SGIP1: variants seen among roughly 807,000 people sequenced by gnomAD.
SGIP1 encodes the protein SH3GL interacting endocytic adaptor 1.
In SGIP1, 38 loss-of-function variants were observed where a neutral mutation model predicts 107.5. The ratio of observed to expected loss-of-function variants is 0.35; its 90% CI spans 0.27 to 0.46. SGIP1 has a LOEUF of 0.46. Among genes scored for constraint, SGIP1 ranks in the 20% least tolerant of loss-of-function variants. The pLI, the probability that SGIP1 is intolerant of heterozygous loss-of-function variation, is 1.00. For synonymous variants in SGIP1, 365 were observed against 366.1 expected (o/e 1.00, Z 0.03); for missense variants, 929 against 1,019.5 (o/e 0.91, Z 1.21).
At chr1:66,562,840 A>G (rs1280610947) in intron 1 of SGIP1, among the ~76,000 whole-genome samples, 1 of 152,086 alleles carries the variant, frequency 6.6e-6, no homozygotes, top group African/African-American at 2.4e-5. Flanking sequence ...AAGGTGATGC[A>G]CAGAGGGGCC....
intron 1 of SGIP1, among the ~76,000 whole-genome samples, chr1:66,573,605 G>C (rs2060678559): frequency 6.6e-6 from 1 of 152,142 alleles, no homozygotes; most frequent in Non-Finnish European, 1.5e-5. Flanking sequence ...CATGTCCTTT[G>C]CAGGAACCTG....
intron 4 of SGIP1, 77 bp downstream of exon 4, chr1:66,636,092 G>A (rs927643051): frequency 1.4e-6 from 2 of 1,386,870 alleles, no homozygotes; most frequent in African/African-American, 2.9e-5. Flanking sequence ...TTAAAATTTG[G>A]AAAACACAGT....
At chr1:66,653,987 C>A (rs1220265550) in intron 7 of SGIP1, among the ~76,000 whole-genome samples, 1 of 152,138 alleles carries the variant, frequency 6.6e-6, no homozygotes, top group African/African-American at 2.4e-5. Flanking sequence ...ACAAATCTTG[C>A]ACCCAGAGCT....
intron 4 of SGIP1, among the ~76,000 whole-genome samples, chr1:66,639,458 G>A (rs570761899): frequency 6.6e-6 from 1 of 152,268 alleles, no homozygotes; most frequent in South Asian, 2.1e-4. Context: ...TAGATTTAGA[G>A]GATTCCATTA....
At chr1:66,680,389 G>C (rs1251782297) in intron 14 of SGIP1, among the ~76,000 whole-genome samples, 1 of 152,172 alleles carries the variant, frequency 6.6e-6, no homozygotes, top group Non-Finnish European at 1.5e-5. Flanking sequence ...AAGTCTTACT[G>C]GACTAGCAAA....
chr1:66,639,902 A>AT, intron 5 of SGIP1, 69 bp downstream of exon 5: 1 of 1,296,092 alleles, frequency 7.7e-7, no homozygotes, highest in Non-Finnish European at 1.1e-6. Context: ...AGGCATTCTT[A>AT]TAATAGGACT....
intron 19 of SGIP1, among the ~76,000 whole-genome samples, chr1:66,723,562 G>A (rs565702491): frequency 9.9e-5 from 15 of 152,092 alleles, no homozygotes; most frequent in South Asian, 4.2e-4. Flanking sequence ...TAGGTTACTC[G>A]GCTCTCTCTT....
intron 1 of SGIP1, among the ~76,000 whole-genome samples, chr1:66,574,159 T>C (rs370207609): frequency 4.6e-5 from 7 of 152,086 alleles, no homozygotes; most frequent in Non-Finnish European, 8.8e-5. Context: ...ATCTCTAAGA[T>C]CTCAGAGTCC....
chr1:66,573,206 T>A (rs12121959), intron 1 of SGIP1, among the ~76,000 whole-genome samples: 26,105 of 152,042 alleles, frequency 0.17, 2,674 homozygotes, highest in East Asian at 0.45. Flanking sequence ...TATGAATTAT[T>A]TCTTAATAAA....
chr1:66,689,105 C>A (rs369985235), intron 15 of SGIP1, 43 bp from the exon 16 acceptor site: 7 of 1,593,082 alleles, frequency 4.4e-6, no homozygotes, highest in South Asian at 2.3e-5. Context: ...AGCGCTTTGG[C>A]CCCCTGTGTT....
intron 7 of SGIP1, among the ~76,000 whole-genome samples, chr1:66,656,062 T>C (rs1571322555): frequency 8.6e-6 from 1 of 115,674 alleles, no homozygotes; most frequent in Non-Finnish European, 1.9e-5. Flanking sequence ...TTTATAATAG[T>C]TAAATTCTTT....
Position 66,750,525 on chromosome 1 carries a change from T to C in SGIP1, c.*7430T>C, listed in dbSNP as rs1039762104. Among the ~76,000 whole-genome samples, 7 of 152,248 alleles carry C rather than the reference T, an allele frequency of 4.6e-5. No individual in the cohort carries two copies. The highest frequency in any genetic ancestry group is 8.8e-5 in the Non-Finnish European group (6 of 68,036). On this transcript the variant is annotated 3_prime_UTR_variant, in exon 25 of 25. Coordinates refer to ENST00000371037, the MANE Select transcript of SGIP1 (RefSeq NM_032291.4). ...ATGTAGCAAAAATACACTAAATTTC[T>C]TTTTAATCTTGTACTAAGTACATAA...
intron 6 of SGIP1, 99 bp from the exon 7 acceptor site, chr1:66,643,445 C>T (rs1277945188): frequency 1.1e-6 from 1 of 941,740 alleles, no homozygotes; most frequent in African/African-American, 1.7e-5. Context: ...TTTCTGCCAT[C>T]TAAGGATACT....
intron 1 of SGIP1, among the ~76,000 whole-genome samples, chr1:66,550,569 C>T (rs563564622): frequency 1.3e-5 from 2 of 152,180 alleles, no homozygotes; most frequent in South Asian, 4.1e-4. Flanking sequence ...CAGCTATTAC[C>T]ACTGCCCCTC....
chr1:66,631,039 GAAA>G (rs1246133879), intron 2 of SGIP1, among the ~76,000 whole-genome samples: 3 of 116,380 alleles, frequency 2.6e-5, no homozygotes, highest in African/African-American at 1.0e-4. Flanking sequence ...AAGGAAGGAA[GAAA>G]GGAAGAAAGA....
intron 1 of SGIP1, among the ~76,000 whole-genome samples, chr1:66,535,490 A>G (rs2053393387): frequency 3.3e-5 from 5 of 152,232 alleles, no homozygotes; most frequent in South Asian, 2.1e-4. Context: ...TCATAAAAAC[A>G]GCAGTGTAGC....
In SGIP1 at chr1:66,682,380, T is replaced by A; in HGVS notation, c.1315+11T>A. On this transcript the variant is annotated intron_variant, in intron 15 of 24. Transcript: ENST00000371037. The stretch of plus-strand genomic sequence containing the variant: ...CGGGGACCACCAGTGGTATGTCTTA[T>A]GCTTGAGTGTGCTTCTTGTGACGGG... 1 of 1,589,654 alleles carries A rather than the reference T, an allele frequency of 6.3e-7. No homozygotes were observed. The highest frequency in any genetic ancestry group is 2.2e-5 in the East Asian group (1 of 44,716).
chr1:66,583,573 C>T (rs1461294089), intron 1 of SGIP1, among the ~76,000 whole-genome samples: 3 of 152,094 alleles, frequency 2.0e-5, no homozygotes, highest in Non-Finnish European at 4.4e-5. Flanking sequence ...ATCCTTTAAG[C>T]CCAAATACCC....
At chr1:66,699,740 A>G (rs1274412190) in intron 18 of SGIP1, among the ~76,000 whole-genome samples, 1 of 152,166 alleles carries the variant, frequency 6.6e-6, no homozygotes, top group Non-Finnish European at 1.5e-5. Context: ...AACAGAAAAA[A>G]TACCTGTCCC....
Sources: gnomAD v4.1 joint callset for allele counts (sites outside exome capture counted in the v4.1 genomes callset) on GRCh38, gnomAD v4.1.1 for gene constraint, MANE v1.5 for transcripts, NCBI Gene and HGNC (gene_info 2026-07-23, HGNC 2026-07-21) for gene names.